The following PI4KA variants were observed in gnomAD, a reference collection of about 807,000 sequenced individuals.
The protein encoded by PI4KA is phosphatidylinositol 4-kinase alpha.
Under a neutral mutation model 271.4 loss-of-function variants are expected in PI4KA, and 122 were observed. That is an observed-to-expected ratio of 0.45 (90% CI 0.39 to 0.52). The LOEUF is 0.52. Ranked by LOEUF, PI4KA falls within the 20% of genes least tolerant of loss-of-function variation. PI4KA has a pLI of 0.00. For missense variants in PI4KA, 1,969 were observed against 2,769.1 expected, an observed-to-expected ratio of 0.71 and a Z score of 6.48; for synonymous variants, 1,041 against 1,078.8, an observed-to-expected ratio of 0.96 and a Z score of 0.69.
At chr22:20,774,018 GT>G (rs897009081) in intron 19 of PI4KA, 37 of 152,336 alleles carry the variant, frequency 2.4e-4, no homozygotes, top group African/African-American at 8.4e-4. Flanking sequence ...GTTGCCTGGT[GT>G]TTGGATTGGG....
chr22:20,751,809 G>A (rs961872281), intron 25 of PI4KA, 54 bp from the exon 26 acceptor site: 15 of 1,492,010 alleles, frequency 1.0e-5, no homozygotes, highest in South Asian at 2.3e-5. Flanking sequence ...AGGAAGGTCT[G>A]CTTCTAGGAG....
At chr22:20,783,854 G>A (rs1933989949) in intron 19 of PI4KA, 3 of 1,333,942 alleles carry the variant, frequency 2.2e-6, no homozygotes, top group East Asian at 4.6e-5. Context: ...GAGACTGTGG[G>A]GTCGGCTCTG....
rs146571437 is a variant in PI4KA, at chr22:20,856,055, G to A, written c.156+2515C>T. Among the ~76,000 whole-genome samples the A allele has an allele frequency of 3.6e-3, 553 of 152,334 alleles. 1 individual carries two copies. Among genetic ancestry groups the A allele is most frequent in the African/African-American group, 0.013 (527 of 41,572 alleles). On this transcript the variant is annotated intron_variant, in intron 1 of 54. Coordinates refer to ENST00000255882, the MANE Select transcript of PI4KA (RefSeq NM_058004.4). ...CCGGCACTTTGGGAGACCAAGGCGG[G>A]TGGATTACTTGAAGTCAGGAGTTCA...
chr22:20,799,329 A>G, intron 15 of PI4KA, 53 bp from the exon 16 acceptor site: 2 of 1,433,714 alleles, frequency 1.4e-6, no homozygotes, highest in Non-Finnish European at 1.9e-6. Flanking sequence ...AGCATGCAGT[A>G]GTGAAACAGT....
chr22:20,787,317 T>G, intron 19 of PI4KA: 3 of 521,760 alleles, frequency 5.7e-6, no homozygotes, highest in Non-Finnish European at 7.0e-6. Flanking sequence ...ACCTAGAGGG[T>G]CTCACCTCCC....
chr22:20,856,147 A>G (rs951964846), intron 1 of PI4KA, among the ~76,000 whole-genome samples: 4 of 152,120 alleles, frequency 2.6e-5, no homozygotes, highest in Non-Finnish European at 1.5e-5. Context: ...CCCCGTCTCT[A>G]CTAAATACTA....
intron 19 of PI4KA, among the ~76,000 whole-genome samples, chr22:20,792,877 G>A (rs900058158): frequency 6.6e-6 from 1 of 152,244 alleles, no homozygotes; most frequent in Non-Finnish European, 1.5e-5. Flanking sequence ...AGTCACAAGG[G>A]CATGAGACAC....
At chr22:20,779,669 C>T in intron 19 of PI4KA, 1 of 1,614,068 alleles carries the variant, frequency 6.2e-7, no homozygotes, top group East Asian at 2.2e-5. Context: ...TTTTTCATGG[C>T]AAGAGCCGGA....
rs1934982562 is a variant in PI4KA, at chr22:20,796,313, G to A, written c.2110C>T (p.His704Tyr). 3 of 1,612,434 alleles carry A rather than the reference G, an allele frequency of 1.9e-6. No homozygotes were observed. Among genetic ancestry groups the A allele is most frequent in the African/African-American group, 1.3e-5 (1 of 74,896 alleles). Reference sequence around the variant, plus strand: ...GCATTAATCACTGCCAGGGAGCAATGCCTGAAGAAGAAGGAGTGAAATAAC... The same window carrying A: ...GCATTAATCACTGCCAGGGAGCAATACCTGAAGAAGAAGGAGTGAAATAAC... ...TKDYKDHGYR[H>Y]CSLAVINALA... is the part of the protein sequence containing the mutation. Residue 704 changes from histidine (H) to tyrosine (Y), a missense_variant and splice_region_variant, in exon 18 of 55, where the codon CAT becomes TAT. Coordinates refer to ENST00000255882, the MANE Select transcript of PI4KA (RefSeq NM_058004.4).
At chr22:20,829,642 T>C (rs1923900144) in intron 3 of PI4KA, among the ~76,000 whole-genome samples, 1 of 152,066 alleles carries the variant, frequency 6.6e-6, no homozygotes, top group Admixed American at 6.6e-5. Context: ...ATGGTTTTCA[T>C]ATCTCATTTC....
chr22:20,766,348 G>A (rs556861801), intron 19 of PI4KA, among the ~76,000 whole-genome samples: 37 of 152,226 alleles, frequency 2.4e-4, no homozygotes, highest in African/African-American at 8.9e-4. Context: ...GGGAGGCAGG[G>A]AGAGACTCAT....
At chr22:20,838,781 A>C in intron 1 of PI4KA, 50 bp from the exon 2 acceptor site, 1 of 1,089,474 alleles carries the variant, frequency 9.2e-7, no homozygotes, top group Non-Finnish European at 1.4e-6. Flanking sequence ...AGAAAACCAC[A>C]TTCAAAATAA....
intron 19 of PI4KA, among the ~76,000 whole-genome samples, chr22:20,771,651 G>A (rs1251063951): frequency 6.6e-6 from 1 of 151,520 alleles, no homozygotes; most frequent in African/African-American, 2.4e-5. Context: ...GCATGAACTC[G>A]GCTCACTGCA....
chr22:20,776,044 G>A (rs1332436230), intron 19 of PI4KA, among the ~76,000 whole-genome samples: 1 of 152,170 alleles, frequency 6.6e-6, no homozygotes, highest in Non-Finnish European at 1.5e-5. Context: ...TCTAGAGGCT[G>A]AGCATGGTAA....
rs1239663361 is a variant in PI4KA at position 20,707,862 on chromosome 22, C to G, written c.*185G>C. The G allele has an allele frequency of 7.2e-5, 51 of 707,406 alleles. 1 individual carries two copies. The Admixed American group carries it at 8.9e-4, about 12-fold the overall frequency. 43.8% of individuals were successfully genotyped at this position (707,406 alleles called of 1,614,324 possible). A position where few individuals can be genotyped will look rare whatever the true frequency, so the allele number is the denominator to read the frequency against. The stretch of plus-strand genomic sequence containing the variant: ...AGACAGCACCATCCATTGATTGTCG[C>G]TGCAGTCCATGGCGTTACCAAGGCT... On this transcript the variant is annotated 3_prime_UTR_variant, in exon 55 of 55. Transcript: ENST00000255882.
intron 19 of PI4KA, among the ~76,000 whole-genome samples, chr22:20,782,462 G>A (rs1933873415): frequency 6.6e-6 from 1 of 152,168 alleles, no homozygotes; most frequent in South Asian, 2.1e-4. Flanking sequence ...GTCTAGAAGT[G>A]TAATTTTAAT....
chr22:20,752,472 T>C (rs146944114), intron 25 of PI4KA, among the ~76,000 whole-genome samples: 209 of 152,332 alleles, frequency 1.4e-3, no homozygotes, highest in African/African-American at 4.7e-3. Flanking sequence ...TGTGGGGACA[T>C]GTCCCAACAG....
chr22:20,766,971 G>A (rs956410269), intron 19 of PI4KA, among the ~76,000 whole-genome samples: 1 of 152,250 alleles, frequency 6.6e-6, no homozygotes, highest in Middle Eastern at 3.4e-3. Flanking sequence ...TTGGTAATAT[G>A]CATCAGAAAT....
At chr22:20,757,297 C>T (rs542526086) in intron 23 of PI4KA, among the ~76,000 whole-genome samples, 1 of 152,304 alleles carries the variant, frequency 6.6e-6, no homozygotes, top group Non-Finnish European at 1.5e-5. Context: ...GTGCCACGCT[C>T]AGAACAAAAA....
Sources: gnomAD v4.1 joint callset for allele counts (sites outside exome capture counted in the v4.1 genomes callset) on GRCh38, gnomAD v4.1.1 for gene constraint, MANE v1.5 for transcripts, NCBI Gene and HGNC (gene_info 2026-07-23, HGNC 2026-07-21) for gene names.